SCN9A: variants seen among roughly 807,000 people sequenced by gnomAD.
The protein encoded by SCN9A is sodium channel protein type 9 subunit alpha.
SCN9A carries 131 observed loss-of-function variants against 187.0 expected under a neutral mutation model. The observed-to-expected ratio is 0.70, with a 90% CI of 0.61 to 0.81. The LOEUF (loss-of-function observed/expected upper bound fraction) is 0.81. Ranked by LOEUF, SCN9A falls within the 30% of genes least tolerant of loss-of-function variation. The pLI, the probability that SCN9A is intolerant of heterozygous loss-of-function variation, is 0.00. For missense variants in SCN9A, 2,252 were observed against 2,396.6 expected, an observed-to-expected ratio of 0.94 and a Z score of 1.26; for synonymous variants, 809 against 808.6, an observed-to-expected ratio of 1.00 and a Z score of -0.01.
chr2:166,224,853 T>A (rs1288841224), intron 24 of SCN9A, among the ~76,000 whole-genome samples: 4 of 152,142 alleles, frequency 2.6e-5, no homozygotes, highest in Non-Finnish European at 1.5e-5. Context: ...TTTTTAGCTG[T>A]CAGGCCATGT....
chr2:166,275,790 G>A (rs1221121364), intron 16 of SCN9A, among the ~76,000 whole-genome samples: 2 of 152,144 alleles, frequency 1.3e-5, no homozygotes, highest in Admixed American at 6.6e-5. Context: ...TTTTTGTGCA[G>A]TAAAAATCTA....
At chr2:166,200,568 AT>A (rs148145382) in intron 26 of SCN9A, among the ~76,000 whole-genome samples, 3,147 of 152,232 alleles carry the variant, frequency 0.021, 118 homozygotes, top group African/African-American at 0.073. Context: ...CACTTCAGAC[AT>A]TTTTCTGTGC....
At chr2:166,302,277 A>G (rs1408674392) in intron 7 of SCN9A, 1 of 152,142 alleles carries the variant, frequency 6.6e-6, no homozygotes, top group African/African-American at 2.4e-5. Flanking sequence ...ATATTCATCA[A>G]CCGTTCCAGT....
intron 1 of SCN9A, among the ~76,000 whole-genome samples, chr2:166,328,404 C>T (rs985618882): frequency 1.3e-5 from 2 of 151,976 alleles, no homozygotes; most frequent in Admixed American, 6.6e-5. Context: ...TCTTCTGCCT[C>T]CTCCCACCCT....
intron 12 of SCN9A, among the ~76,000 whole-genome samples, chr2:166,282,540 C>A (rs1464244493): frequency 6.6e-6 from 1 of 152,100 alleles, no homozygotes; most frequent in African/African-American, 2.4e-5. Flanking sequence ...ATTTAAAACA[C>A]TATGTTGGTT....
rs1698156243 is a variant in SCN9A at position 166,293,255 on chromosome 2, A to G, written c.1083T>C (p.Asp361=). The change falls in exon 9 of 27, where the codon GAT becomes GAC. Residue 361 remains aspartate (D), a synonymous_variant. Transcript: ENST00000642356. ...FLALFRLMTQ[D]YWENLYQQTL... ...CCTGTTGGTAAAGGTTTTCCCAGTAATCTTGGGTCATTAGCCTAAACAAGG... is the reference window on the plus strand; with the variant it reads ...CCTGTTGGTAAAGGTTTTCCCAGTAGTCTTGGGTCATTAGCCTAAACAAGG... The G allele has an allele frequency of 1.9e-6, 3 of 1,587,914 alleles. No homozygotes were observed. The South Asian group carries it at 3.4e-5, about 18-fold the overall frequency.
chr2:166,199,502 G>A lies in SCN9A; in HGVS notation c.5137C>T (p.Pro1713Ser). 4 of 1,614,180 alleles carry A rather than the reference G, an allele frequency of 2.5e-6. No homozygotes were observed. The highest frequency in any genetic ancestry group is 3.4e-6 in the Non-Finnish European group (4 of 1,180,038). Residue 1713 changes from proline to serine, a missense_variant, in exon 27 of 27, where the codon CCC (proline) becomes TCC (serine). Around this residue, in one of 7 missense-constraint regions of SCN9A, gnomAD observed 345 missense variants for 344.6 expected, o/e 1.00. Coordinates refer to ENST00000642356, the MANE Select transcript of SCN9A (RefSeq NM_001365536.1). ...LLAPILNSKPPDCDPKKVHPG... is the reference protein window; with the variant it reads ...LLAPILNSKPSDCDPKKVHPG... ...TGAACTTTTTTTGGGTCACAGTCGG[G>A]TGGCTTACTGTTAAGAATAGGTGCT...
chr2:166,235,075 C>G (rs1451036142), intron 20 of SCN9A, among the ~76,000 whole-genome samples: 1 of 152,130 alleles, frequency 6.6e-6, no homozygotes. Flanking sequence ...GGACCCTTCA[C>G]CTTAGACTTC....
At chr2:166,355,570 CTT>C in intron 1 of SCN9A, among the ~76,000 whole-genome samples, 1 of 147,192 alleles carries the variant, frequency 6.8e-6, no homozygotes, top group East Asian at 2.0e-4. Flanking sequence ...ACAAAAATTT[CTT>C]TTTTTTTTCT....
At chr2:166,354,425 T>A (rs1306060013) in intron 1 of SCN9A, among the ~76,000 whole-genome samples, 1 of 152,082 alleles carries the variant, frequency 6.6e-6, no homozygotes, top group African/African-American at 2.4e-5. Flanking sequence ...GACAATATGG[T>A]GGACACCAAC....
intron 8 of SCN9A, among the ~76,000 whole-genome samples, chr2:166,294,030 G>A (rs1698194128): frequency 6.6e-6 from 1 of 152,120 alleles, no homozygotes; most frequent in Non-Finnish European, 1.5e-5. Flanking sequence ...CTGCATAGGG[G>A]GAAAAGCAAG....
At chr2:166,214,532 AGTCTCGCT>A (rs60078814) in intron 24 of SCN9A, among the ~76,000 whole-genome samples, 70,319 of 73,862 alleles carry the variant, frequency 0.95, 33,517 homozygotes, top group East Asian at 1. Flanking sequence ...TTTGAGATGG[AGTCTCGCT>A]GTCTCGCTCT....
chr2:166,336,679 GGGTTTTTAGTTCTATATCTTCTGAGA>G (rs1195943142), intron 1 of SCN9A, among the ~76,000 whole-genome samples: 1 of 152,054 alleles, frequency 6.6e-6, no homozygotes, highest in Non-Finnish European at 1.5e-5. Flanking sequence ...GAGGCTGGCT[GGGTTTTTAGTTCTATATCTTCTGAGA>G]GGTATTCTAG....
Position 166,204,222 on chromosome 2 carries a change from T to C in SCN9A, c.4507A>G (p.Lys1503Glu). 6.2e-7 allele frequency: 1 copy of C among 1,608,312 alleles called. No homozygotes were observed. ...AGGTCAAATATACATCCTTGGATTT[T>C]GTTCTGCAAAGAAATAAGAATAATA... is the stretch of plus-strand genomic sequence containing the variant. ...PQKPIPRPGN[K>E]IQGCIFDLVT... The change falls in exon 26 of 27, where the codon AAA becomes GAA. Residue 1503 changes from lysine (K) to glutamate (E), a missense_variant. Transcript: ENST00000642356.
At chr2:166,370,511 C>T (rs1480294738) in intron 1 of SCN9A, among the ~76,000 whole-genome samples, 1 of 150,762 alleles carries the variant, frequency 6.6e-6, no homozygotes, top group East Asian at 1.9e-4. Flanking sequence ...CCACTGCACT[C>T]CAGCCTGGGC....
In SCN9A at chr2:166,290,878, C is replaced by T. The variant is rs190114584; in HGVS notation, c.1108-2235G>A. The stretch of plus-strand genomic sequence containing the variant: ...AGAGAAGGTCTTCAATAAAATGCAA[C>T]ATCCATTCATGTTAAAAACTATCAA... On this transcript the variant is annotated intron_variant, in intron 9 of 26. Coordinates refer to ENST00000642356, the MANE Select transcript of SCN9A (RefSeq NM_001365536.1). Among the ~76,000 whole-genome samples, 384 of 152,250 alleles carry T rather than the reference C, an allele frequency of 2.5e-3. 3 individuals are homozygous for T. Among genetic ancestry groups the T allele is most frequent in the African/African-American group, 8.8e-3 (364 of 41,546 alleles).
At chr2:166,224,798 T>A (rs1694776297) in intron 24 of SCN9A, among the ~76,000 whole-genome samples, 1 of 152,114 alleles carries the variant, frequency 6.6e-6, no homozygotes, top group Non-Finnish European at 1.5e-5. Context: ...TAAAGCTCAG[T>A]CTCTAGAAAA....
intron 1 of SCN9A, among the ~76,000 whole-genome samples, chr2:166,340,727 C>G (rs1417609881): frequency 6.6e-6 from 1 of 151,530 alleles, no homozygotes; most frequent in East Asian, 1.9e-4. Flanking sequence ...TTCAAGTGAC[C>G]CTCCCACCTC....
chr2:166,328,119 C>T (rs1699408682), intron 1 of SCN9A, among the ~76,000 whole-genome samples: 1 of 152,266 alleles, frequency 6.6e-6, no homozygotes, highest in Admixed American at 6.5e-5. Flanking sequence ...TAGTCCCTGA[C>T]ACTCTGGAAC....
Sources: gnomAD v4.1 joint callset for allele counts (sites outside exome capture counted in the v4.1 genomes callset) on GRCh38, gnomAD v4.1.1 for gene constraint, gnomAD v4.1.1 regional missense constraint, MANE v1.5 for transcripts, NCBI Gene and HGNC (gene_info 2026-07-23, HGNC 2026-07-21) for gene names.